Variants in PECR observed in about 807,000 individuals in gnomAD.
The protein encoded by PECR is peroxisomal trans-2-enoyl-CoA reductase.
In PECR, 30 loss-of-function variants were observed where a neutral mutation model predicts 35.3. The ratio of observed to expected loss-of-function variants is 0.85; its 90% CI spans 0.64 to 1.15. PECR has a LOEUF of 1.15. Ranked by LOEUF, PECR falls within the 50% of genes most tolerant of loss-of-function variation. The pLI is 0.00. For missense variants in PECR, 392 were observed against 370.8 expected, an observed-to-expected ratio of 1.06 and a Z score of -0.47; for synonymous variants, 148 against 138.9, an observed-to-expected ratio of 1.07 and a Z score of -0.46.
At chr2:216,055,398 T>C (rs1357424520) in intron 4 of PECR, among the ~76,000 whole-genome samples, 1 of 148,698 alleles carries the variant, frequency 6.7e-6, no homozygotes, top group Non-Finnish European at 1.5e-5. Flanking sequence ...GATAGTGCCA[T>C]TGCACTCCAG....
rs760104414 is a variant in PECR, at chr2:216,039,257, A to G, written c.*18T>C. On this transcript the variant is annotated 3_prime_UTR_variant, in exon 8 of 8. Coordinates refer to ENST00000265322, the MANE Select transcript of PECR (RefSeq NM_018441.6). ...ATGTGAAGGCACTGGGGGATGGAGG[A>G]CACCTTGTTTCCTCAGCTCAGAGCT... 7.2e-7 allele frequency: 1 copy of G among 1,395,028 alleles called. No homozygotes were observed. Among genetic ancestry groups the G allele is most frequent in the East Asian group, 2.3e-5 (1 of 43,828 alleles). The allele number at this position is 1,395,028 out of a possible 1,614,324, so 86.4% of individuals were successfully genotyped here.
rs561858775 is a variant in PECR at position 216,079,835 on chromosome 2, GC to G, written c.124+1782del. Reference sequence around the variant, plus strand: ...CATCTCTACTAAAAATACAAAATTAGCCTAGCAAGGTAGTGCGTGCCTGTAA... The same window carrying G: ...CATCTCTACTAAAAATACAAAATTAGCTAGCAAGGTAGTGCGTGCCTGTAA... On this transcript the variant is annotated intron_variant, in intron 1 of 7. Coordinates refer to ENST00000265322, the MANE Select transcript of PECR (RefSeq NM_018441.6). Among the ~76,000 whole-genome samples the G allele has an allele frequency of 6.6e-3, 990 of 149,310 alleles. 5 individuals are homozygous for G. Among genetic ancestry groups the G allele is most frequent in the African/African-American group, 0.023 (962 of 41,140 alleles).
intron 1 of PECR, among the ~76,000 whole-genome samples, chr2:216,080,882 T>C (rs563776887): frequency 1.2e-4 from 18 of 152,346 alleles, no homozygotes; most frequent in African/African-American, 4.3e-4. Context: ...CCGAATCTAG[T>C]GGCTCAGCCT....
intron 6 of PECR, among the ~76,000 whole-genome samples, chr2:216,044,426 T>C (rs1011106645): frequency 2.6e-5 from 4 of 152,224 alleles, no homozygotes; most frequent in Non-Finnish European, 5.9e-5. Context: ...TTTTGGTCCC[T>C]GAAATAGTCA....
intron 3 of PECR, among the ~76,000 whole-genome samples, chr2:216,063,142 A>C (rs6711714): frequency 0.02 from 3,064 of 152,322 alleles, 116 homozygotes; most frequent in African/African-American, 0.07. Context: ...AAAATATTTC[A>C]TAACTTGCTT....
chr2:216,043,907 G>T lies in PECR; in HGVS notation c.823C>A (p.Pro275Thr). ...RSLYTHSYEV[P>T]DHDNWPKGAG... ...TGCTCATTCCTCAGCTGCTCACCTG[G>T]TACCTCATACGAGTGAGTATAGAGA... The change falls in exon 7 of 8, where the codon CCA (proline) becomes ACA (threonine). Residue 275 changes from proline to threonine, a missense_variant. Physicochemically the swap from Pro to Thr is conservative, Grantham distance 38. Coordinates refer to ENST00000265322, the MANE Select transcript of PECR (RefSeq NM_018441.6). 2.6e-6 allele frequency: 4 copies of T among 1,533,740 alleles called. No homozygotes were observed. Among genetic ancestry groups the T allele is most frequent in the Non-Finnish European group, 3.6e-6 (4 of 1,106,234 alleles).
At chr2:216,037,200 T>C (rs1448031169), downstream of PECR, among the ~76,000 whole-genome samples, 1 of 152,244 alleles carries the variant, frequency 6.6e-6, no homozygotes, top group Non-Finnish European at 1.5e-5. Context: ...CAGGATACTA[T>C]TATGATGTAC....
chr2:216,046,267 C>T (rs1253608785), intron 6 of PECR, among the ~76,000 whole-genome samples: 1 of 137,768 alleles, frequency 7.3e-6, no homozygotes, highest in African/African-American at 2.8e-5. Flanking sequence ...ATAATGTAAA[C>T]CACATAAAGT....
rs1265023713 is a variant in PECR at position 216,039,070 on chromosome 2, A to T, written c.*205T>A. ...AAATATGTTAATTTCTGTTACTTATACATTTTTAAATCATAGGTTAAAAGA... is the reference window on the plus strand; with the variant it reads ...AAATATGTTAATTTCTGTTACTTATTCATTTTTAAATCATAGGTTAAAAGA... On this transcript the variant is annotated 3_prime_UTR_variant, in exon 8 of 8. Transcript: ENST00000265322. The T allele has an allele frequency of 2.3e-6, 1 of 441,682 alleles. No homozygotes were observed. Among genetic ancestry groups the T allele is most frequent in the Non-Finnish European group, 4.1e-6 (1 of 244,700 alleles). The allele number at this position is 441,682 out of a possible 1,614,324, so 27.4% of individuals were successfully genotyped here. A position where few individuals can be genotyped will look rare whatever the true frequency, so the allele number is the denominator to read the frequency against.
intron 5 of PECR, 108 bp from the exon 6 acceptor site, chr2:216,049,481 T>A: frequency 1.6e-6 from 1 of 618,628 alleles, no homozygotes; most frequent in Non-Finnish European, 2.9e-6. Context: ...GTAGCTTAAG[T>A]CAAAAAAAAG....
At chr2:216,052,282 G>T (rs974713500) in intron 4 of PECR, among the ~76,000 whole-genome samples, 9 of 152,302 alleles carry the variant, frequency 5.9e-5, no homozygotes, top group Admixed American at 1.3e-4. Flanking sequence ...ATAATTTAAT[G>T]TGAGAAAATT....
intron 6 of PECR, among the ~76,000 whole-genome samples, chr2:216,047,977 C>G (rs1175188067): frequency 7.1e-6 from 1 of 140,250 alleles, no homozygotes; most frequent in African/African-American, 2.5e-5. Context: ...CCTAAGGAGG[C>G]AGGTGATTTT....
intron 7 of PECR, among the ~76,000 whole-genome samples, 172 bp downstream of exon 7, chr2:216,043,732 T>C (rs1694940022): frequency 6.6e-6 from 1 of 152,180 alleles, no homozygotes; most frequent in Non-Finnish European, 1.5e-5. Context: ...ATATTTTCTG[T>C]GACTAGGAAT....
At chr2:216,046,793 T>C (rs1177334854) in intron 6 of PECR, among the ~76,000 whole-genome samples, 1 of 152,196 alleles carries the variant, frequency 6.6e-6, no homozygotes, top group Admixed American at 6.5e-5. Context: ...AGGAACTCTG[T>C]TTCTAGAAAC....
At chr2:216,030,094 T>A (rs1694657091) in intron 7 of PECR, among the ~76,000 whole-genome samples, 1 of 152,190 alleles carries the variant, frequency 6.6e-6, no homozygotes, top group South Asian at 2.1e-4. Context: ...TAAAAGGTTA[T>A]AAAGAAGATT....
chr2:216,066,422 A>C lies in PECR; in HGVS notation c.221T>G (p.Val74Gly). Reference protein sequence around the residue: ...ANLPPTKQARVIPIQCNIRNE... With the variant: ...ANLPPTKQARGIPIQCNIRNE... ...CCGGATGTTGCATTGTATGGGAATG[A>C]CTCGTGCCTGCTTTGTGGGAGGTAG... Residue 74 changes from valine to glycine, a missense_variant, in exon 2 of 8, where the codon GTC becomes GGC. Physicochemically the swap from Val to Gly is moderately radical, Grantham distance 109 (BLOSUM62 -3). Coordinates refer to ENST00000265322, the MANE Select transcript of PECR (RefSeq NM_018441.6). 6.2e-7 allele frequency: 1 copy of C among 1,613,314 alleles called. No individual in the cohort carries two copies. The highest frequency in any genetic ancestry group is 1.1e-5 in the South Asian group (1 of 91,060).
chr2:216,057,364 A>G (rs1304462682), intron 4 of PECR, among the ~76,000 whole-genome samples: 1 of 152,198 alleles, frequency 6.6e-6, no homozygotes, highest in Non-Finnish European at 1.5e-5. Flanking sequence ...CCATAAAAAA[A>G]TAAGAAGAAA....
chr2:216,033,282 C>A (rs1694738382), intron 7 of PECR, among the ~76,000 whole-genome samples: 1 of 152,002 alleles, frequency 6.6e-6, no homozygotes, highest in East Asian at 1.9e-4. Context: ...ATCAACATTT[C>A]TTAAATAAAA....
intron 1 of PECR, among the ~76,000 whole-genome samples, chr2:216,077,680 G>A (rs1047643465): frequency 1.3e-5 from 2 of 151,714 alleles, no homozygotes; most frequent in Admixed American, 6.6e-5. Flanking sequence ...GGTGGCATGT[G>A]CCTGTAATCC....
Sources: allele counts gnomAD v4.1 joint callset (sites outside exome capture counted in the v4.1 genomes callset), GRCh38; gene constraint gnomAD v4.1.1; transcripts MANE v1.5; gene names NCBI Gene and HGNC (gene_info 2026-07-23, HGNC 2026-07-21).